Variants in SPATA9 observed in about 807,000 individuals in gnomAD.
SPATA9 encodes spermatogenesis associated 9.
In SPATA9, 27 loss-of-function variants were observed where a neutral mutation model predicts 25.5. That is an observed-to-expected ratio of 1.06 (90% confidence interval 0.78 to 1.46). The LOEUF (loss-of-function observed/expected upper bound fraction) is 1.46. Among genes scored for constraint, SPATA9 ranks in the 40% most tolerant of loss-of-function variants. The pLI is 0.00. For missense variants in SPATA9, 282 were observed against 297.5 expected (o/e 0.95, Z 0.38); for synonymous variants, 102 against 105.7 (o/e 0.97, Z 0.21).
upstream of SPATA9, among the ~76,000 whole-genome samples, chr5:95,686,131 C>T (rs999252354): frequency 6.6e-6 from 1 of 152,110 alleles, no homozygotes; most frequent in Non-Finnish European, 1.5e-5. Flanking sequence ...AGCCACCGTG[C>T]CCAGTCAATA....
chr5:95,675,704 C>G, intron 2 of SPATA9, 65 bp from the exon 3 acceptor site: 1 of 1,340,388 alleles, frequency 7.5e-7, no homozygotes, highest in South Asian at 1.3e-5. Context: ...AAACTACTTC[C>G]GGCAGAGACT....
chr5:95,696,479 A>G (rs149455185), intron 1 of SPATA9, among the ~76,000 whole-genome samples: 1 of 152,348 alleles, frequency 6.6e-6, no homozygotes, highest in African/African-American at 2.4e-5. Flanking sequence ...GAAATACATA[A>G]AGAAAATCCT....
intron 2 of SPATA9, among the ~76,000 whole-genome samples, chr5:95,680,816 A>T (rs1344584852): frequency 2.0e-5 from 3 of 152,184 alleles, no homozygotes; most frequent in Non-Finnish European, 4.4e-5. Flanking sequence ...AGGATGTGGC[A>T]TGACCCCTTA....
At chr5:95,707,413 C>T in the SPATA9 span, among the ~76,000 whole-genome samples, 21,603 of 151,884 alleles carry the variant, frequency 0.14, 1,701 homozygotes, top group Non-Finnish European at 0.17. Flanking sequence ...GACCGAGAGA[C>T]GGCTAATGCT....
intron 2 of SPATA9, among the ~76,000 whole-genome samples, chr5:95,680,495 C>T (rs1222088244): frequency 6.6e-6 from 1 of 152,070 alleles, no homozygotes; most frequent in Non-Finnish European, 1.5e-5. Context: ...TTTTTCTCTC[C>T]ACTTCAATGG....
chr5:95,695,886 T>C (rs1754007780), intron 1 of SPATA9, among the ~76,000 whole-genome samples: 3 of 152,168 alleles, frequency 2.0e-5, no homozygotes, highest in African/African-American at 7.2e-5. Flanking sequence ...ACTTCAGATA[T>C]TAGGTTACAA....
At chr5:95,670,475 C>T (rs1488439029) in intron 3 of SPATA9, 1 of 152,202 alleles carries the variant, frequency 6.6e-6, no homozygotes, top group African/African-American at 2.4e-5. Context: ...AGACAGAACA[C>T]ATCCAGAAGA....
At chr5:95,684,823 A>C (rs1753697882), upstream of SPATA9, 1 of 152,220 alleles carries the variant, frequency 6.6e-6, no homozygotes, top group African/African-American at 2.4e-5. Context: ...GTTATTCTTT[A>C]GAGTTCATAA....
downstream of SPATA9, chr5:95,657,813 A>C (rs142639799): frequency 2.6e-5 from 4 of 152,176 alleles, no homozygotes; most frequent in Admixed American, 1.3e-4. Flanking sequence ...AAAATGTACT[A>C]TCTCTCAGGA....
chr5:95,662,477 C>G (rs1461681823), intron 4 of SPATA9, among the ~76,000 whole-genome samples: 1 of 152,120 alleles, frequency 6.6e-6, no homozygotes, highest in East Asian at 1.9e-4. Context: ...GTCTCAAACT[C>G]CTGGGCTCAA....
chr5:95,664,001 A>T lies in SPATA9; in HGVS notation c.426T>A (p.Thr142=). ...AAGCATATATTATGCTAGTTAAAGC[A>T]GTCTTTGCTGGAAAGGAGATGATTT... The part of the protein sequence containing the change: ...LFEIISFPAK[T]ALTSIIYASY... Residue 142 remains threonine, a synonymous_variant, in exon 4 of 5, where the codon ACT becomes ACA. Coordinates refer to ENST00000274432, the MANE Select transcript of SPATA9 (RefSeq NM_031952.4). The T allele has an allele frequency of 6.3e-7, 1 of 1,599,720 alleles. No homozygotes were observed. The highest frequency in any genetic ancestry group is 8.5e-7 in the Non-Finnish European group (1 of 1,171,410).
At chr5:95,714,736 CAAAAA>C in the SPATA9 span, among the ~76,000 whole-genome samples, 1,986 of 138,036 alleles carry the variant, frequency 0.014, 53 homozygotes, top group African/African-American at 0.048. Flanking sequence ...AAATCAATTT[CAAAAA>C]AAAAAAAAAA....
chr5:95,674,720 T>C (rs1443848663), intron 3 of SPATA9: 1 of 456,134 alleles, frequency 2.2e-6, no homozygotes, highest in Non-Finnish European at 4.4e-6. Flanking sequence ...TCAACAGCTC[T>C]GGGTTGTTTA....
At chr5:95,721,446 GA>G in the SPATA9 span, among the ~76,000 whole-genome samples, 1 of 152,208 alleles carries the variant, frequency 6.6e-6, no homozygotes, top group Non-Finnish European at 1.5e-5. Flanking sequence ...AGCAGAAACA[GA>G]ATGGGCCTTG....
intron 8 of SPATA9, chr5:95,653,210 C>G (rs1413200952): frequency 6.4e-7 from 1 of 1,551,654 alleles, no homozygotes; most frequent in South Asian, 1.2e-5. Context: ...CAGTTTTTAT[C>G]TGAGGTAAGA....
chr5:95,721,040 T>C, the SPATA9 span, among the ~76,000 whole-genome samples: 562 of 152,326 alleles, frequency 3.7e-3, 5 homozygotes, highest in Non-Finnish European at 4.4e-3. Context: ...CATCCCTTAA[T>C]TTTACCCGGT....
intron 4 of SPATA9, among the ~76,000 whole-genome samples, chr5:95,662,616 G>A (rs756658297): frequency 8.5e-5 from 13 of 152,076 alleles, no homozygotes; most frequent in Non-Finnish European, 1.3e-4. Context: ...GGCAAGTCAC[G>A]GAGTAAGAGA....
At chr5:95,731,665 GC>G in the SPATA9 span, 1 of 1,613,300 alleles carries the variant, frequency 6.2e-7, no homozygotes, top group Non-Finnish European at 8.5e-7. Context: ...TCGCCGCCCT[GC>G]CCTTGGATTT....
exon 9 of SPATA9, chr5:95,653,146 A>T: frequency 6.4e-7 from 1 of 1,551,636 alleles, no homozygotes. Context: ...AGCTGTTGGC[A>T]TGTCTAGTTC....
Sources: allele counts gnomAD v4.1 joint callset (sites outside exome capture counted in the v4.1 genomes callset), GRCh38; gene constraint gnomAD v4.1.1; transcripts MANE v1.5; gene names NCBI Gene and HGNC (gene_info 2026-07-23, HGNC 2026-07-21).